GDAP1: variants seen among roughly 807,000 people sequenced by gnomAD.
GDAP1 encodes the protein ganglioside-induced differentiation-associated protein 1.
A neutral mutation model predicts 40.1 loss-of-function variants in GDAP1; 34 were observed. The ratio of observed to expected loss-of-function variants is 0.85; its 90% confidence interval spans 0.64 to 1.13. The LOEUF is 1.13. GDAP1 is among the 50% of genes most tolerant of loss of function. The pLI is 0.00. For synonymous variants in GDAP1, 170 were observed against 157.4 expected, an observed-to-expected ratio of 1.08 and a Z score of -0.60; for missense variants, 374 against 433.7, an observed-to-expected ratio of 0.86 and a Z score of 1.22.
chr8:74,376,485 A>G (rs1809854226), intron 2 of GDAP1, among the ~76,000 whole-genome samples: 1 of 151,600 alleles, frequency 6.6e-6, no homozygotes, highest in Admixed American at 6.6e-5. Flanking sequence ...AGTAGCTGGG[A>G]CTACGGGCGC....
intron 2 of GDAP1, among the ~76,000 whole-genome samples, chr8:74,467,560 A>C (rs549488712): frequency 2.0e-5 from 3 of 152,350 alleles, no homozygotes; most frequent in African/African-American, 7.2e-5. Context: ...CAGTGCAATC[A>C]GTAGGGCCTG....
chr8:74,478,042 A>G (rs1586847710), intron 2 of GDAP1, among the ~76,000 whole-genome samples: 1 of 150,010 alleles, frequency 6.7e-6, no homozygotes, highest in East Asian at 2.0e-4. Flanking sequence ...CAGAGCCAGG[A>G]CGGCTTTACT....
chr8:74,350,972 G>C (rs1437377225), intron 1 of GDAP1, among the ~76,000 whole-genome samples: 18 of 152,152 alleles, frequency 1.2e-4, no homozygotes. Context: ...CTACATGTCA[G>C]GTTCTTGTCT....
At chr8:74,385,821 C>T (rs996937805) in intron 2 of GDAP1, among the ~76,000 whole-genome samples, 1 of 152,184 alleles carries the variant, frequency 6.6e-6, no homozygotes, top group Non-Finnish European at 1.5e-5. Flanking sequence ...AAAAGCATTC[C>T]TGTTTCTCCA....
intron 2 of GDAP1, among the ~76,000 whole-genome samples, chr8:74,389,631 G>T (rs1810077932): frequency 6.6e-6 from 1 of 152,006 alleles, no homozygotes; most frequent in African/African-American, 2.4e-5. Flanking sequence ...TTCAACCTTG[G>T]TGAATCTGAT....
intron 2 of GDAP1, 39 bp downstream of exon 2, chr8:74,351,505 T>G: frequency 7.5e-7 from 1 of 1,335,932 alleles, no homozygotes; most frequent in Middle Eastern, 1.8e-4. Flanking sequence ...GGATTTACTT[T>G]CAACACAACT....
At chr8:74,437,033 A>C (rs917646793) in intron 2 of GDAP1, among the ~76,000 whole-genome samples, 4 of 152,230 alleles carry the variant, frequency 2.6e-5, no homozygotes, top group African/African-American at 9.6e-5. Flanking sequence ...CTGGAAAGAC[A>C]GACTTATAGG....
Position 74,360,271 on chromosome 8 carries a change from G to C in GDAP1, c.445G>C (p.Asp149His), listed in dbSNP as rs1443963090. Residue 149 changes from aspartate (D) to histidine (H), a missense_variant, in exon 3 of 6, where the codon GAC (aspartate) becomes CAC (histidine). By Grantham distance (81) the Asp-to-His change is moderately conservative. Coordinates refer to ENST00000220822, the MANE Select transcript of GDAP1 (RefSeq NM_018972.4). Reference sequence around the variant, plus strand: ...CATTTTACATCCTGAGTTAACTGTGGACTCCATGATCCCGGCTTATGCAAC... The same window carrying C: ...CATTTTACATCCTGAGTTAACTGTGCACTCCATGATCCCGGCTTATGCAAC... The part of the protein sequence containing the change: ...GCILHPELTV[D>H]SMIPAYATTR... 2 of 1,614,038 alleles carry C rather than the reference G, an allele frequency of 1.2e-6. No individual in the cohort carries two copies. Among genetic ancestry groups the C allele is most frequent in the Admixed American group, 3.3e-5 (2 of 60,024 alleles).
At chr8:74,414,357 T>A (rs1805752816) in intron 2 of GDAP1, among the ~76,000 whole-genome samples, 1 of 150,092 alleles carries the variant, frequency 6.7e-6, no homozygotes, top group African/African-American at 2.5e-5. Flanking sequence ...TGACAAGGGC[T>A]TTCAAGCAAC....
intron 2 of GDAP1, among the ~76,000 whole-genome samples, chr8:74,403,044 T>G (rs1305040980): frequency 4.0e-5 from 6 of 150,098 alleles, no homozygotes; most frequent in Non-Finnish European, 5.9e-5. Context: ...AATATAAAAA[T>G]GGACATTTTC....
At chr8:74,441,314 C>T (rs1806159740) in intron 2 of GDAP1, among the ~76,000 whole-genome samples, 2 of 152,102 alleles carry the variant, frequency 1.3e-5, no homozygotes, top group African/African-American at 2.4e-5. Flanking sequence ...AGTTTTATGA[C>T]TCATGGGTCC....
intron 2 of GDAP1, among the ~76,000 whole-genome samples, chr8:74,411,422 C>T (rs1052105334): frequency 1.1e-4 from 16 of 149,562 alleles, no homozygotes; most frequent in Non-Finnish European, 1.8e-4. Flanking sequence ...TATGAGAATA[C>T]TATCCAATAG....
chr8:74,389,465 G>A (rs1298400042), intron 2 of GDAP1, among the ~76,000 whole-genome samples: 2 of 152,112 alleles, frequency 1.3e-5, no homozygotes, highest in African/African-American at 4.8e-5. Flanking sequence ...GAAATTCTGG[G>A]GTGAAAATTC....
chr8:74,429,604 G>A (rs1274520211), intron 2 of GDAP1, among the ~76,000 whole-genome samples: 1 of 152,110 alleles, frequency 6.6e-6, no homozygotes, highest in Non-Finnish European at 1.5e-5. Context: ...TCTTCCTTCT[G>A]CAAGTGTCTG....
chr8:74,379,338 C>T (rs566394475), intron 2 of GDAP1, among the ~76,000 whole-genome samples: 1 of 152,308 alleles, frequency 6.6e-6, no homozygotes, highest in Admixed American at 6.5e-5. Context: ...AACCATCTTA[C>T]ATCCTCAGAG....
rs796403357 is a variant in GDAP1, at chr8:74,443,980, G to A, written c.166-44698G>A. The stretch of plus-strand genomic sequence containing the variant: ...CAAGTTTCCTTTATTCTTTCTGTCT[G>A]TCTATCTATCTATCTATCTATCTAT... On this transcript the variant is annotated intron_variant, in intron 2 of 2. Coordinates refer to the GDAP1 transcript ENST00000523640. 2.9e-3 allele frequency among the ~76,000 whole-genome samples: 429 copies of A among 147,416 alleles called. 2 individuals are homozygous for A. Among genetic ancestry groups the A allele is most frequent in the Admixed American group, 8.1e-3 (117 of 14,514 alleles).
chr8:74,462,802 T>C (rs1806416890), intron 2 of GDAP1, among the ~76,000 whole-genome samples: 1 of 152,066 alleles, frequency 6.6e-6, no homozygotes, highest in African/African-American at 2.4e-5. Context: ...TTTCAAAAGA[T>C]ATGCCAGCAT....
At chr8:74,421,912 T>C (rs1805861916) in intron 2 of GDAP1, among the ~76,000 whole-genome samples, 2 of 152,146 alleles carry the variant, frequency 1.3e-5, no homozygotes, top group Non-Finnish European at 2.9e-5. Context: ...GATCACAGCA[T>C]TTTTGTTTTT....
Position 74,364,210 on chromosome 8 carries a change from CA to C in GDAP1, c.921del (p.Ala308HisfsTer40). ...NNILISAVLPTAFRVAKKRAP... is the reference protein window; with the variant it reads ...NNILISAVLPXAFRVAKKRAP... Reference sequence around the variant, plus strand: ...ATATTAATCTCTGCAGTGCTGCCAACAGCATTCCGGGTGGCCAAGAAAAGGG... The same window carrying C: ...ATATTAATCTCTGCAGTGCTGCCAACGCATTCCGGGTGGCCAAGAAAAGGG... On this transcript the variant is annotated frameshift_variant, in exon 6 of 6. Transcript: ENST00000220822. LOFTEE classifies it high-confidence loss of function. The C allele has an allele frequency of 6.2e-7, 1 of 1,614,204 alleles. No individual in the cohort carries two copies. Among genetic ancestry groups the C allele is most frequent in the Non-Finnish European group, 8.5e-7 (1 of 1,180,026 alleles).
Sources: gnomAD v4.1 joint callset for allele counts (sites outside exome capture counted in the v4.1 genomes callset) on GRCh38, gnomAD v4.1.1 for gene constraint, MANE v1.5 for transcripts, NCBI Gene and HGNC (gene_info 2026-07-23, HGNC 2026-07-21) for gene names.